The following RGS13 variants were observed in gnomAD, a reference collection of about 807,000 sequenced individuals.
The protein encoded by RGS13 is regulator of G-protein signalling 13.
In RGS13, 14 loss-of-function variants were observed where a neutral mutation model predicts 19.9. That is an observed-to-expected ratio of 0.70 (90% CI 0.46 to 1.10). RGS13 has a LOEUF of 1.10. RGS13 is among the 50% of genes least tolerant of loss of function. RGS13 has a pLI of 0.00. For synonymous variants in RGS13, 60 were observed against 56.8 expected (o/e 1.06, Z -0.25); for missense variants, 205 against 187.1 (o/e 1.10, Z -0.56).
Position 192,654,844 on chromosome 1 carries a change from G to A in RGS13, c.128-3357G>A, listed in dbSNP as rs188091772. Among the ~76,000 whole-genome samples, 5 of 152,042 alleles carry A rather than the reference G, an allele frequency of 3.3e-5. No individual in the cohort carries two copies. In the East Asian group the frequency reaches 9.7e-4, roughly 29 times the overall value. ...AAGAACAGGCTAGAGATTCCCAAAG[G>A]CACCACTCTCACTTTTTAAGGGAAA... On this transcript the variant is annotated intron_variant, in intron 5 of 6. Coordinates refer to ENST00000391995, the MANE Select transcript of RGS13 (RefSeq NM_002927.5).
chr1:192,650,997 A>G lies in RGS13; in HGVS notation c.127+3010A>G, dbSNP rs116717560. Reference sequence around the variant, plus strand: ...TGGGGGTAATTTGCATATAGATGCTAACAAAAGTCACAGGGCTGTGAGACC... The same window carrying G: ...TGGGGGTAATTTGCATATAGATGCTGACAAAAGTCACAGGGCTGTGAGACC... On this transcript the variant is annotated intron_variant, in intron 5 of 6. Transcript: ENST00000391995. Among the ~76,000 whole-genome samples the G allele has an allele frequency of 2.7e-3, 404 of 152,174 alleles. 1 individual carries two copies. The highest frequency in any genetic ancestry group is 8.8e-3 in the African/African-American group (364 of 41,550).
chr1:192,649,104 C>T (rs1224134294), intron 5 of RGS13, among the ~76,000 whole-genome samples: 1 of 152,086 alleles, frequency 6.6e-6, no homozygotes, highest in Non-Finnish European at 1.5e-5. Context: ...CACCTGAGCT[C>T]TCATATTTTG....
intron 6 of RGS13, 59 bp downstream of exon 6, chr1:192,658,426 T>A: frequency 6.6e-7 from 1 of 1,514,474 alleles, no homozygotes; most frequent in Non-Finnish European, 9.0e-7. Flanking sequence ...GGCATTAATA[T>A]CTGTCAAGCA....
chr1:192,641,700 C>G (rs979284297), intron 3 of RGS13, among the ~76,000 whole-genome samples: 1 of 152,176 alleles, frequency 6.6e-6, no homozygotes, highest in Non-Finnish European at 1.5e-5. Context: ...CACAGCCTTT[C>G]TCTTAAATAT....
chr1:192,653,966 C>T (rs968165568), intron 5 of RGS13, among the ~76,000 whole-genome samples: 3 of 147,680 alleles, frequency 2.0e-5, no homozygotes, highest in East Asian at 2.1e-4. Flanking sequence ...GTGGGGGGAG[C>T]GGGGAGGGAT....
chr1:192,658,663 TCTGTGG>T (rs1489443026), intron 6 of RGS13: 2 of 264,790 alleles, frequency 7.6e-6, no homozygotes, highest in African/African-American at 4.4e-5. Flanking sequence ...AAAAAAGGAG[TCTGTGG>T]CGAAAGCATT....
rs372091576 is a variant in RGS13 at position 192,658,173 on chromosome 1, A to G, written c.128-28A>G. The G allele has an allele frequency of 6.0e-5, 94 of 1,560,060 alleles. No individual in the cohort carries two copies. The African/African-American group carries it at 1.2e-3, about 20-fold the overall frequency. On this transcript the variant is annotated intron_variant, in intron 5 of 6. Coordinates refer to ENST00000391995, the MANE Select transcript of RGS13 (RefSeq NM_002927.5). ...TTTTTTGGTGATTTTGACCCATGAA[A>G]ATAAACTGATTTCTCCTCTACTTTT...
At chr1:192,653,959 G>C (rs1033391265) in intron 5 of RGS13, among the ~76,000 whole-genome samples, 4 of 151,814 alleles carry the variant, frequency 2.6e-5, no homozygotes, top group Admixed American at 6.6e-5. Flanking sequence ...TCATGGGGTG[G>C]GGGGAGCGGG....
At chr1:192,639,547 T>G (rs1307405401) in intron 3 of RGS13, among the ~76,000 whole-genome samples, 1 of 152,092 alleles carries the variant, frequency 6.6e-6, no homozygotes, top group Non-Finnish European at 1.5e-5. Flanking sequence ...ATAAAGTTAA[T>G]GGGGAAAACT....
At chr1:192,656,971 A>G (rs988552350) in intron 5 of RGS13, among the ~76,000 whole-genome samples, 1 of 152,090 alleles carries the variant, frequency 6.6e-6, no homozygotes, top group Non-Finnish European at 1.5e-5. Context: ...TTTCCATTCC[A>G]TCTGGCTACC....
chr1:192,647,104 T>C (rs1663237054), intron 4 of RGS13: 1 of 152,198 alleles, frequency 6.6e-6, no homozygotes, highest in Admixed American at 6.6e-5. Context: ...GGTTACTAAC[T>C]GTATTACATG....
chr1:192,652,651 A>T (rs1364822639), intron 5 of RGS13, among the ~76,000 whole-genome samples: 1 of 152,138 alleles, frequency 6.6e-6, no homozygotes, highest in Admixed American at 6.6e-5. Context: ...ATAGCATTTC[A>T]GATATAAACC....
chr1:192,637,127 G>A (rs1663030008), intron 1 of RGS13, among the ~76,000 whole-genome samples: 1 of 151,816 alleles, frequency 6.6e-6, no homozygotes, highest in African/African-American at 2.4e-5. Context: ...ATCACTCTGA[G>A]AATTAGATTC....
chr1:192,653,043 G>T (rs1295160029), intron 5 of RGS13, among the ~76,000 whole-genome samples: 1 of 152,028 alleles, frequency 6.6e-6, no homozygotes, highest in Non-Finnish European at 1.5e-5. Context: ...ATGAATCAAG[G>T]CTTCTTCAGA....
At chr1:192,637,284 A>G (rs1215370647) in intron 1 of RGS13, among the ~76,000 whole-genome samples, 1 of 151,910 alleles carries the variant, frequency 6.6e-6, no homozygotes, top group Non-Finnish European at 1.5e-5. Flanking sequence ...TTGAAAAACA[A>G]AAAAGGAAAG....
intron 6 of RGS13, 32 bp downstream of exon 6, chr1:192,658,399 C>A: frequency 1.3e-6 from 2 of 1,589,052 alleles, no homozygotes; most frequent in South Asian, 1.1e-5. Flanking sequence ...GAATGGAAAT[C>A]AGTTCATCCC....
intron 3 of RGS13, among the ~76,000 whole-genome samples, chr1:192,641,254 A>AAAAGAAAAGAAAG (rs1663109985): frequency 1.5e-5 from 1 of 67,390 alleles, no homozygotes; most frequent in Non-Finnish European, 3.1e-5. Flanking sequence ...GAAAAGAAAG[A>AAAAGAAAAGAAAG]AAAGAAAGAA....
At chr1:192,648,083 C>T in intron 5 of RGS13, 96 bp downstream of exon 5, 2 of 748,374 alleles carry the variant, frequency 2.7e-6, no homozygotes, top group Non-Finnish European at 4.2e-6. Context: ...TGCTATTCTT[C>T]TCACAGCCTT....
chr1:192,636,503 A>T (rs1663021284), intron 1 of RGS13, among the ~76,000 whole-genome samples, 186 bp downstream of exon 1: 1 of 152,068 alleles, frequency 6.6e-6, no homozygotes, highest in Admixed American at 6.6e-5. Flanking sequence ...AACAAAACTT[A>T]GAGTCACTCC....
Sources: allele counts gnomAD v4.1 joint callset (sites outside exome capture counted in the v4.1 genomes callset), GRCh38; gene constraint gnomAD v4.1.1; transcripts MANE v1.5; gene names NCBI Gene and HGNC (gene_info 2026-07-23, HGNC 2026-07-21).